Variants in GLCCI1 observed in about 807,000 individuals in gnomAD.
GLCCI1 encodes the protein glucocorticoid-induced transcript 1 protein.
A neutral mutation model predicts 52.2 loss-of-function variants in GLCCI1; 24 were observed. The ratio of observed to expected loss-of-function variants is 0.46; its 90% confidence interval spans 0.33 to 0.65. GLCCI1 has a LOEUF of 0.65. GLCCI1 is among the 30% of genes least tolerant of loss of function. The pLI, the probability that GLCCI1 is intolerant of heterozygous loss-of-function variation, is 0.02. For missense variants in GLCCI1, 704 were observed against 701.5 expected (o/e 1.00, Z -0.04); for synonymous variants, 310 against 276.5 (o/e 1.12, Z -1.20).
intron 5 of GLCCI1, among the ~76,000 whole-genome samples, chr7:8,067,759 A>G (rs1459031499): frequency 6.6e-6 from 1 of 152,138 alleles, no homozygotes; most frequent in Admixed American, 6.5e-5. Context: ...TGACCTGCCT[A>G]TTCTCTCCAG....
intron 3 of GLCCI1, among the ~76,000 whole-genome samples, chr7:8,037,445 G>A (rs955025917): frequency 9.9e-5 from 15 of 152,130 alleles, no homozygotes; most frequent in African/African-American, 3.4e-4. Context: ...AAAAACACAT[G>A]AAAGGATAAA....
chr7:8,014,797 T>C (rs1162683454), intron 2 of GLCCI1, among the ~76,000 whole-genome samples: 2 of 152,232 alleles, frequency 1.3e-5, no homozygotes, highest in Non-Finnish European at 2.9e-5. Context: ...TTGTATTCTC[T>C]GAGAGGTGAG....
At chr7:8,069,791 C>T (rs1782714173) in intron 5 of GLCCI1, among the ~76,000 whole-genome samples, 1 of 152,134 alleles carries the variant, frequency 6.6e-6, no homozygotes, top group South Asian at 2.1e-4. Context: ...TTTTACCTTC[C>T]TTCATTTCCC....
chr7:8,084,647 T>G, intron 6 of GLCCI1: 1 of 394,240 alleles, frequency 2.5e-6, no homozygotes. Flanking sequence ...AGCTCTGTTG[T>G]ATTCAAAATG....
At chr7:8,063,440 C>G (rs182954386) in intron 5 of GLCCI1, among the ~76,000 whole-genome samples, 130 of 151,926 alleles carry the variant, frequency 8.6e-4, no homozygotes, top group Non-Finnish European at 1.7e-3. Flanking sequence ...GCCACCGCAC[C>G]CAGCCTGTTT....
chr7:7,974,828 A>G (rs907250751), intron 1 of GLCCI1, among the ~76,000 whole-genome samples: 4 of 152,188 alleles, frequency 2.6e-5, no homozygotes. Context: ...CCACTAAGAT[A>G]GACTTTCTGG....
chr7:8,053,276 C>G (rs1452653771), intron 3 of GLCCI1, among the ~76,000 whole-genome samples: 1 of 149,310 alleles, frequency 6.7e-6, no homozygotes, highest in Non-Finnish European at 1.5e-5. Context: ...TACTTATTTC[C>G]TACCTTTTCA....
intron 1 of GLCCI1, among the ~76,000 whole-genome samples, chr7:7,971,836 G>T (rs1562411214): frequency 6.6e-6 from 1 of 152,220 alleles, no homozygotes; most frequent in Non-Finnish European, 1.5e-5. Context: ...TTGTGCAGCA[G>T]ACAGATTTGC....
chr7:7,983,235 G>T (rs1780658563), intron 1 of GLCCI1, among the ~76,000 whole-genome samples: 1 of 152,028 alleles, frequency 6.6e-6, no homozygotes, highest in Non-Finnish European at 1.5e-5. Flanking sequence ...GTATAAAATT[G>T]TATGTAGGAA....
At chr7:7,975,047 T>C (rs1780435458) in intron 1 of GLCCI1, among the ~76,000 whole-genome samples, 1 of 152,148 alleles carries the variant, frequency 6.6e-6, no homozygotes, top group Non-Finnish European at 1.5e-5. Context: ...CATATATTGA[T>C]ATAGAAAGCC....
intron 5 of GLCCI1, among the ~76,000 whole-genome samples, chr7:8,060,494 C>T (rs1216117692): frequency 6.6e-6 from 1 of 152,184 alleles, no homozygotes; most frequent in African/African-American, 2.4e-5. Flanking sequence ...TCTCATTTCC[C>T]TGTAATACTC....
At chr7:8,032,471 A>T (rs558611170) in intron 3 of GLCCI1, among the ~76,000 whole-genome samples, 3 of 152,210 alleles carry the variant, frequency 2.0e-5, no homozygotes, top group South Asian at 2.1e-4. Flanking sequence ...AAAAGTTTGC[A>T]GAGATCACTA....
chr7:8,057,891 C>CT lies in GLCCI1; in HGVS notation c.814-2202dup, dbSNP rs111619504. ...GTGGTTATTCTTAAAAATTATTATC[C>CT]TTTGCTATACATACTGGAATATTTG... On this transcript the variant is annotated intron_variant, in intron 4 of 7. Coordinates refer to ENST00000223145, the MANE Select transcript of GLCCI1 (RefSeq NM_138426.4). Among the ~76,000 whole-genome samples, 800 of 152,088 alleles carry CT rather than the reference C, an allele frequency of 5.3e-3. 17 individuals are homozygous for CT. The East Asian group carries it at 0.075, about 14-fold the overall frequency.
At chr7:7,980,364 C>T in intron 1 of GLCCI1, 1 of 190,748 alleles carries the variant, frequency 5.2e-6, no homozygotes, top group South Asian at 1.4e-4. Flanking sequence ...TCAATTTGCA[C>T]ACTGAGCAGC....
intron 1 of GLCCI1, among the ~76,000 whole-genome samples, chr7:7,985,519 C>T (rs1312211035): frequency 7.1e-6 from 1 of 140,468 alleles, no homozygotes; most frequent in Non-Finnish European, 1.5e-5. Flanking sequence ...ACGTCCTGCA[C>T]ATCTATCCTG....
chr7:7,971,233 A>G (rs1039468026), intron 1 of GLCCI1, among the ~76,000 whole-genome samples: 1 of 152,234 alleles, frequency 6.6e-6, no homozygotes, highest in African/African-American at 2.4e-5. Flanking sequence ...GACATCCTCC[A>G]GCAAATCCTG....
chr7:8,040,035 C>T (rs1259267189), intron 3 of GLCCI1, among the ~76,000 whole-genome samples: 1 of 149,448 alleles, frequency 6.7e-6, no homozygotes, highest in Non-Finnish European at 1.5e-5. Flanking sequence ...GGCTTCCCTA[C>T]ACAATATATC....
rs910251346 is a variant in GLCCI1 at position 7,999,000 on chromosome 7, A to G, written c.458-4908A>G. Among the ~76,000 whole-genome samples, 107 of 152,068 alleles carry G rather than the reference A, an allele frequency of 7.0e-4. 1 individual carries two copies. Among genetic ancestry groups the G allele is most frequent in the African/African-American group, 2.4e-3 (98 of 41,554 alleles). On this transcript the variant is annotated intron_variant, in intron 1 of 7. Transcript: ENST00000223145. ...TTTTCTGTTTTATAATATATAAAAT[A>G]TTAGCAATATCATAGATATCCAGTT...
chr7:8,006,422 CAT>C (rs1440289366), intron 2 of GLCCI1, among the ~76,000 whole-genome samples: 10 of 152,132 alleles, frequency 6.6e-5, no homozygotes, highest in South Asian at 2.1e-4. Context: ...GTTTCTTACA[CAT>C]GTCTGATTTT....
Sources: allele counts gnomAD v4.1 joint callset (sites outside exome capture counted in the v4.1 genomes callset), GRCh38; gene constraint gnomAD v4.1.1; transcripts MANE v1.5; gene names NCBI Gene and HGNC (gene_info 2026-07-23, HGNC 2026-07-21).